MEGF8: variants seen among roughly 807,000 people sequenced by gnomAD.
The protein encoded by MEGF8 is multiple epidermal growth factor-like domains protein 8.
In MEGF8, 156 loss-of-function variants were observed where a neutral mutation model predicts 302.9. That is an observed-to-expected ratio of 0.52 (90% CI 0.45 to 0.59). MEGF8 has a LOEUF of 0.59. Among genes scored for constraint, MEGF8 ranks in the 20% least tolerant of loss-of-function variants. The pLI is 0.00. For synonymous variants in MEGF8, 1,621 were observed against 1,660.5 expected (o/e 0.98, Z 0.58); for missense variants, 3,345 against 3,964.5 (o/e 0.84, Z 4.20).
chr19:42,336,981 T>C lies in MEGF8; in HGVS notation c.1390+29T>C. The C allele has an allele frequency of 6.2e-7, 1 of 1,613,730 alleles. No individual in the cohort carries two copies. Among genetic ancestry groups the C allele is most frequent in the South Asian group, 1.1e-5 (1 of 91,054 alleles). On this transcript the variant is annotated intron_variant, in intron 7 of 41. Coordinates refer to ENST00000251268, the MANE Select transcript of MEGF8 (RefSeq NM_001271938.2). The surrounding 1 kb of genome is among the most constrained non-coding windows in gnomAD (Gnocchi z 4.8). ...AGGAGGCTCCCCAATCCTGCCTGCCTGCCTGCTGAGGGCCTGAGCCAACCC... is the reference window on the plus strand; with the variant it reads ...AGGAGGCTCCCCAATCCTGCCTGCCCGCCTGCTGAGGGCCTGAGCCAACCC...
chr19:42,376,290 C>T lies in MEGF8; in HGVS notation c.8053C>T (p.His2685Tyr), dbSNP rs770873055. 2 of 1,612,726 alleles carry T rather than the reference C, an allele frequency of 1.2e-6. No homozygotes were observed. Among genetic ancestry groups the T allele is most frequent in the African/African-American group, 2.7e-5 (2 of 74,942 alleles). ...ALDQRQEQRR[H>Y]LQEMTKMASR... ...GGACCAGCGGCAGGAGCAGCGCCGG[C>T]ACTTGCAGGAGATGACCAAGATGGC... The change falls in exon 42 of 42, where the codon CAC becomes TAC. Residue 2685 changes from histidine to tyrosine, a missense_variant. His to Tyr is a moderately conservative substitution (Grantham distance 83, BLOSUM62 2). Transcript: ENST00000251268. This position sits in a 1 kb window ranked among gnomAD's most constrained non-coding sequence, Gnocchi z 8.2.
intron 41 of MEGF8, among the ~76,000 whole-genome samples, chr19:42,374,671 G>A (rs1303841032): frequency 6.6e-6 from 1 of 152,196 alleles, no homozygotes; most frequent in African/African-American, 2.4e-5. Flanking sequence ...CGTGCAGGTT[G>A]CTGGGGACAC....
chr19:42,350,174 C>T lies in MEGF8; in HGVS notation c.2526C>T (p.Pro842=). The T allele has an allele frequency of 6.2e-7, 1 of 1,613,276 alleles. No individual in the cohort carries two copies. The highest frequency in any genetic ancestry group is 8.5e-7 in the Non-Finnish European group (1 of 1,179,458). Residue 842 remains proline (P), a synonymous_variant, in exon 15 of 42, where the codon CCC becomes CCT. Coordinates refer to ENST00000251268, the MANE Select transcript of MEGF8 (RefSeq NM_001271938.2). ...GSEISFFFLE[P]YRSSSCTSYS... is the part of the protein sequence containing the mutation. ...AGATCTCCTTCTTCTTCCTGGAGCC[C>T]TACCGCTCGTCGTCCTGCACCTCCT...
chr19:42,373,485 C>T (rs1212434890), intron 41 of MEGF8, among the ~76,000 whole-genome samples: 18 of 151,914 alleles, frequency 1.2e-4, no homozygotes, highest in Admixed American at 1.2e-3. Context: ...ATTGCAACCT[C>T]TGCCTCCCTG....
In MEGF8 at chr19:42,358,069, C is replaced by T. The variant is rs1198045354; in HGVS notation, c.5012-75C>T. ...GCCGGGGAAGGGAGTGGTCACCGAA[C>T]AGGGGACCGGGAGGTCGGCGGGGTC... On this transcript the variant is annotated intron_variant, in intron 28 of 41. Transcript: ENST00000251268. The surrounding 1 kb of genome is among the most constrained non-coding windows in gnomAD (Gnocchi z 4.4). 1.0e-5 allele frequency: 14 copies of T among 1,379,564 alleles called. No individual in the cohort carries two copies. Among genetic ancestry groups the T allele is most frequent in the Non-Finnish European group, 1.3e-5 (14 of 1,051,956 alleles). 85.5% of individuals were successfully genotyped at this position (1,379,564 alleles called of 1,614,324 possible).
At position 42,356,718 on chromosome 19, in the gene MEGF8, C is replaced by T; in HGVS notation, c.4623-56C>T. 6.7e-7 allele frequency: 1 copy of T among 1,492,880 alleles called. No individual in the cohort carries two copies. The highest frequency in any genetic ancestry group is 2.1e-5 in the Admixed American group (1 of 47,680). 92.5% of individuals were successfully genotyped at this position (1,492,880 alleles called of 1,614,324 possible). On this transcript the variant is annotated intron_variant, in intron 26 of 41. Coordinates refer to ENST00000251268, the MANE Select transcript of MEGF8 (RefSeq NM_001271938.2). This position sits in a 1 kb window ranked among gnomAD's most constrained non-coding sequence, Gnocchi z 5.2. ...GGGGACATCTGTCAGGCAGGGTCACCTTGAAGGATGCTGGGATGACTGTAA... is the reference window on the plus strand; with the variant it reads ...GGGGACATCTGTCAGGCAGGGTCACTTTGAAGGATGCTGGGATGACTGTAA...
chr19:42,374,268 C>T (rs1209297175), intron 41 of MEGF8, among the ~76,000 whole-genome samples: 2 of 151,942 alleles, frequency 1.3e-5, no homozygotes, highest in Non-Finnish European at 2.9e-5. Context: ...GTCAGGAGTT[C>T]GAGACCAGCC....
In MEGF8 at chr19:42,353,856, G is replaced by A. The variant is rs148792547; in HGVS notation, c.3843G>A (p.Arg1281=). The part of the protein sequence containing the change: ...NVSSVALGSR[R]VGGLLPPGGG... The stretch of plus-strand genomic sequence containing the variant: ...CCTCAGTGGCACTGGGCTCACGCCG[G>A]GTCGGGGGGCTGCTGCCTCCAGGTG... The change falls in exon 22 of 42, where the codon CGG becomes CGA. Residue 1281 remains arginine (R), a synonymous_variant. Transcript: ENST00000251268. The surrounding 1 kb of genome is among the most constrained non-coding windows in gnomAD (Gnocchi z 6.1). The A allele has an allele frequency of 1.0e-4, 161 of 1,605,532 alleles. No individual in the cohort carries two copies. The African/African-American group carries it at 1.8e-3, about 18-fold the overall frequency.
Position 42,353,750 on chromosome 19 carries a change from C to A in MEGF8, c.3762-25C>A, listed in dbSNP as rs1176360655. 1 of 1,582,130 alleles carries A rather than the reference C, an allele frequency of 6.3e-7. No individual in the cohort carries two copies. Among genetic ancestry groups the A allele is most frequent in the Non-Finnish European group, 8.6e-7 (1 of 1,160,248 alleles). The stretch of plus-strand genomic sequence containing the variant: ...GTGGGGAGGGTCAGGACTGGTCTGA[C>A]ACTGGCTCTTCTCCATCTCCCCAGG... On this transcript the variant is annotated intron_variant, in intron 21 of 41. Transcript: ENST00000251268. The surrounding 1 kb of genome is among the most constrained non-coding windows in gnomAD (Gnocchi z 6.1).
At position 42,356,692 on chromosome 19, in the gene MEGF8, C is replaced by G; in HGVS notation, c.4623-82C>G. The G allele has an allele frequency of 7.2e-7, 1 of 1,383,868 alleles. No homozygotes were observed. Among genetic ancestry groups the G allele is most frequent in the South Asian group, 1.4e-5 (1 of 71,402 alleles). 85.7% of individuals were successfully genotyped at this position (1,383,868 alleles called of 1,614,324 possible). ...CATAGGAAGGTCACCCCAGGGGATG[C>G]GGGGACATCTGTCAGGCAGGGTCAC... On this transcript the variant is annotated intron_variant, in intron 26 of 41. Transcript: ENST00000251268. This position sits in a 1 kb window ranked among gnomAD's most constrained non-coding sequence, Gnocchi z 5.2.
chr19:42,378,643 T>G lies in MEGF8; in HGVS notation c.*1868T>G, dbSNP rs2039799189. 2 of 152,638 alleles carry G rather than the reference T, an allele frequency of 1.3e-5. No homozygotes were observed. The highest frequency in any genetic ancestry group is 1.3e-4 in the Admixed American group (2 of 15,054). 9.5% of individuals were successfully genotyped at this position (152,638 alleles called of 1,614,324 possible). ...TCCTGGAGGGACTGGACTTTGCATC[T>G]TCCCTTCGCGTGGAGCCTCAGTGTG... On this transcript the variant is annotated 3_prime_UTR_variant, in exon 42 of 42. Coordinates refer to ENST00000251268, the MANE Select transcript of MEGF8 (RefSeq NM_001271938.2).
chr19:42,369,416 A>G lies in MEGF8; in HGVS notation c.6642-115A>G. 1 of 1,055,120 alleles carries G rather than the reference A, an allele frequency of 9.5e-7. No homozygotes were observed. The allele number at this position is 1,055,120 out of a possible 1,614,324, so 65.4% of individuals were successfully genotyped here. A position where few individuals can be genotyped will look rare whatever the true frequency, so the allele number is the denominator to read the frequency against. ...ATCCTGAAGAGAAGATAGCAACGGG[A>G]CAGAGCAGGGATGAGCAACCAGTTG... On this transcript the variant is annotated intron_variant, in intron 37 of 41. Coordinates refer to ENST00000251268, the MANE Select transcript of MEGF8 (RefSeq NM_001271938.2). The surrounding 1 kb of genome is among the most constrained non-coding windows in gnomAD (Gnocchi z 5.7).
chr19:42,332,585 C>G (rs996790184), intron 1 of MEGF8, among the ~76,000 whole-genome samples: 3 of 152,164 alleles, frequency 2.0e-5, no homozygotes, highest in African/African-American at 7.2e-5. Flanking sequence ...CTAGGCTGGT[C>G]TCAAACTCCT....
chr19:42,333,495 G>A lies in MEGF8; in HGVS notation c.188-110G>A, dbSNP rs927145538. The A allele has an allele frequency of 2.7e-5, 33 of 1,235,992 alleles. 1 individual carries two copies. Among genetic ancestry groups the A allele is most frequent in the Non-Finnish European group, 3.5e-5 (31 of 890,884 alleles). 76.6% of individuals were successfully genotyped at this position (1,235,992 alleles called of 1,614,324 possible). ...GGGCCCAGGTCTGACTCATTCTTGA[G>A]CCCCCAGCATCACCTGGATCAGGGT... On this transcript the variant is annotated intron_variant, in intron 1 of 41. Coordinates refer to ENST00000251268, the MANE Select transcript of MEGF8 (RefSeq NM_001271938.2).
chr19:42,325,991 G>T lies in MEGF8; in HGVS notation c.-253G>T. On this transcript the variant is annotated 5_prime_UTR_variant, in exon 1 of 42. Coordinates refer to ENST00000251268, the MANE Select transcript of MEGF8 (RefSeq NM_001271938.2). ...ATAGGGGACTCCTACGGTCCCTAGG[G>T]TTCGGCCCCGTCCATAATGACTCCA... The T allele has an allele frequency of 2.1e-6, 1 of 470,586 alleles. No homozygotes were observed. The allele number at this position is 470,586 out of a possible 1,614,324, so 29.2% of individuals were successfully genotyped here.
chr19:42,334,353 C>T, intron 3 of MEGF8, 140 bp downstream of exon 3: 1 of 809,636 alleles, frequency 1.2e-6, no homozygotes, highest in Non-Finnish European at 1.9e-6. Context: ...CCACTTCCCT[C>T]TCCTTCCAGA....
chr19:42,359,135 G>A lies in MEGF8; in HGVS notation c.5381G>A (p.Gly1794Glu). 6.3e-7 allele frequency: 1 copy of A among 1,586,432 alleles called. No homozygotes were observed. The highest frequency in any genetic ancestry group is 8.6e-7 in the Non-Finnish European group (1 of 1,167,142). Reference sequence around the variant, plus strand: ...CTTTTCCACGCCTCAGCCCTGTTAGGGGACACCATGGTGGTTCTTGGGGGG... The same window carrying A: ...CTTTTCCACGCCTCAGCCCTGTTAGAGGACACCATGGTGGTTCTTGGGGGG... ...PRLFHASALL[G>E]DTMVVLGGRS... Residue 1794 changes from glycine to glutamate, a missense_variant, in exon 31 of 42, where the codon GGG (glycine) becomes GAG (glutamate). Coordinates refer to ENST00000251268, the MANE Select transcript of MEGF8 (RefSeq NM_001271938.2).
Position 42,353,368 on chromosome 19 carries a change from A to C in MEGF8, c.3551-97A>C. The C allele has an allele frequency of 7.2e-7, 1 of 1,391,416 alleles. No individual in the cohort carries two copies. The highest frequency in any genetic ancestry group is 9.8e-7 in the Non-Finnish European group (1 of 1,023,038). 86.2% of individuals were successfully genotyped at this position (1,391,416 alleles called of 1,614,324 possible). On this transcript the variant is annotated intron_variant, in intron 20 of 41. Coordinates refer to ENST00000251268, the MANE Select transcript of MEGF8 (RefSeq NM_001271938.2). The surrounding 1 kb of genome is among the most constrained non-coding windows in gnomAD (Gnocchi z 6.1). ...TCTGGGCCTTGGTTTCTCACCTTTG[A>C]AGCGGCTGGGTGGGGTCAGGGTTTA...
Position 42,357,056 on chromosome 19 carries a change from C to A in MEGF8, c.4830+75C>A. The A allele has an allele frequency of 7.2e-7, 1 of 1,385,716 alleles. No homozygotes were observed. Among genetic ancestry groups the A allele is most frequent in the Non-Finnish European group, 9.7e-7 (1 of 1,028,506 alleles). 85.8% of individuals were successfully genotyped at this position (1,385,716 alleles called of 1,614,324 possible). The stretch of plus-strand genomic sequence containing the variant: ...CAGAGACAGCTGTGGTAGCTCCTGC[C>A]AGCTCCATCCCCAGAGGAAACAGAA... On this transcript the variant is annotated intron_variant, in intron 27 of 41. Transcript: ENST00000251268. This position sits in a 1 kb window ranked among gnomAD's most constrained non-coding sequence, Gnocchi z 5.2.
Sources: allele counts gnomAD v4.1 joint callset (sites outside exome capture counted in the v4.1 genomes callset), GRCh38; gene constraint gnomAD v4.1.1; non-coding constraint Gnocchi (gnomAD v3.1); transcripts MANE v1.5; gene names NCBI Gene and HGNC (gene_info 2026-07-23, HGNC 2026-07-21).